The following TSEN2 variants were observed in gnomAD, a reference collection of about 807,000 sequenced individuals.
The protein encoded by TSEN2 is tRNA splicing endonuclease subunit 2, also known as tRNA-splicing endonuclease subunit Sen2.
TSEN2 carries 54 observed loss-of-function variants against 59.2 expected under a neutral mutation model. The observed-to-expected ratio is 0.91, with a 90% confidence interval of 0.73 to 1.14. The LOEUF (loss-of-function observed/expected upper bound fraction) is 1.14. Among genes scored for constraint, TSEN2 ranks in the 50% most tolerant of loss-of-function variants. The pLI is 0.00. For missense variants in TSEN2, 636 were observed against 576.2 expected, an observed-to-expected ratio of 1.10 and a Z score of -1.06; for synonymous variants, 195 against 198.2, an observed-to-expected ratio of 0.98 and a Z score of 0.14.
intron 4 of TSEN2, among the ~76,000 whole-genome samples, chr3:12,497,236 C>T (rs1330912704): frequency 6.6e-6 from 1 of 152,174 alleles, no homozygotes; most frequent in East Asian, 1.9e-4. Flanking sequence ...ACTTTGTGGT[C>T]CCTTGGTGAG....
chr3:12,480,528 G>GTTTTTTTTTTTTTTTT (rs752340308), upstream of TSEN2, among the ~76,000 whole-genome samples: 35 of 91,750 alleles, frequency 3.8e-4, no homozygotes, highest in Non-Finnish European at 4.8e-4. Flanking sequence ...TTGTTTCTTT[G>GTTTTTTTTTTTTTTTT]TTTTTTTTTT....
chr3:12,504,956 ACACCACTG>A (rs1463031667), intron 5 of TSEN2, among the ~76,000 whole-genome samples, 190 bp from the exon 6 acceptor site: 1 of 152,194 alleles, frequency 6.6e-6, no homozygotes, highest in Non-Finnish European at 1.5e-5. Context: ...AGCTATGATC[ACACCACTG>A]CACTCCAGCC....
intron 8 of TSEN2, among the ~76,000 whole-genome samples, chr3:12,523,944 C>T (rs931097093): frequency 3.9e-5 from 6 of 152,040 alleles, no homozygotes; most frequent in African/African-American, 9.7e-5. Flanking sequence ...CATATTAATC[C>T]GTAAGTATTT....
At position 12,533,038 on chromosome 3, in the gene TSEN2, A is replaced by G; in HGVS notation, c.*317A>G. 1 of 441,282 alleles carries G rather than the reference A, an allele frequency of 2.3e-6. No individual in the cohort carries two copies. The highest frequency in any genetic ancestry group is 4.1e-6 in the Non-Finnish European group (1 of 241,518). The allele number at this position is 441,282 out of a possible 1,614,324, so 27.3% of individuals were successfully genotyped here. On this transcript the variant is annotated 3_prime_UTR_variant, in exon 12 of 12. Coordinates refer to ENST00000284995, the MANE Select transcript of TSEN2 (RefSeq NM_025265.4). ...GGAGTCCTGAGAGGACACTTCCAAC[A>G]AGAGACATTTATTCTCTGATTTTAC...
chr3:12,526,165 C>G lies in TSEN2; in HGVS notation c.1100-2723C>G, dbSNP rs146771977. 3.7e-3 allele frequency among the ~76,000 whole-genome samples: 557 copies of G among 151,938 alleles called. 2 individuals are homozygous for G. Among genetic ancestry groups the G allele is most frequent in the Non-Finnish European group, 5.7e-3 (385 of 67,972 alleles). On this transcript the variant is annotated intron_variant, in intron 8 of 11. Transcript: ENST00000284995. ...ACCAGCCTGGGCAACATAGGTAGAC[C>G]ATGTCTCTCTCTCTATATATGTGTA...
At chr3:12,531,205 A>ACAGTT (rs150049107) in intron 10 of TSEN2, 1 of 234,258 alleles carries the variant, frequency 4.3e-6, no homozygotes, top group Non-Finnish European at 8.5e-6. Flanking sequence ...TGTGGGAACT[A>ACAGTT]CAAGATGAGA....
At chr3:12,503,893 C>T (rs2054554552) in intron 5 of TSEN2, 109 bp downstream of exon 5, 2 of 1,416,166 alleles carry the variant, frequency 1.4e-6, no homozygotes, top group African/African-American at 1.4e-5. Context: ...TTGTAGGGTC[C>T]AAGGGAAGCA....
intron 10 of TSEN2, chr3:12,531,194 T>G: frequency 5.1e-6 from 1 of 196,408 alleles, no homozygotes; most frequent in Non-Finnish European, 9.4e-6. Context: ...CACGTGGGGA[T>G]TGTGGGAACT....
chr3:12,537,004 CAA>C (rs11285937), downstream of TSEN2, among the ~76,000 whole-genome samples: 58 of 138,248 alleles, frequency 4.2e-4, no homozygotes, highest in Non-Finnish European at 3.9e-4. Context: ...AACTCCGTCT[CAA>C]AAAAAAAAAA....
chr3:12,506,479 C>T (rs973482314), intron 6 of TSEN2, among the ~76,000 whole-genome samples: 17 of 151,514 alleles, frequency 1.1e-4, no homozygotes, highest in Non-Finnish European at 1.2e-4. Context: ...CCTGTAGTCT[C>T]AACTACTTGG....
At chr3:12,500,349 T>C (rs1038218827) in intron 4 of TSEN2, among the ~76,000 whole-genome samples, 1 of 152,192 alleles carries the variant, frequency 6.6e-6, no homozygotes. Flanking sequence ...TTCTACATGC[T>C]CTTCGAGCCT....
chr3:12,529,894 C>T (rs2057350134), intron 10 of TSEN2, 21 bp downstream of exon 10: 1 of 1,611,452 alleles, frequency 6.2e-7, no homozygotes, highest in Non-Finnish European at 8.5e-7. Flanking sequence ...ATCAGCTTTG[C>T]CATTGGAGTG....
intron 2 of TSEN2, among the ~76,000 whole-genome samples, chr3:12,490,769 G>A (rs73140734): frequency 1.8e-3 from 273 of 152,140 alleles, no homozygotes; most frequent in African/African-American, 6.1e-3. Context: ...TCCCACTCCC[G>A]GCCCAAGGCA....
intron 11 of TSEN2, 70 bp from the exon 12 acceptor site, chr3:12,532,592 G>A (rs2057532650): frequency 2.1e-6 from 3 of 1,452,524 alleles, no homozygotes; most frequent in Non-Finnish European, 1.9e-6. Flanking sequence ...TAGCTGTGGT[G>A]TCAGCTGTGG....
At chr3:12,494,608 G>C (rs150090958) in intron 3 of TSEN2, among the ~76,000 whole-genome samples, 3,633 of 151,620 alleles carry the variant, frequency 0.024, 63 homozygotes, top group South Asian at 0.057. Flanking sequence ...GCCATGTTGA[G>C]CAGGCTGGTC....
chr3:12,484,137 C>A (rs1028798407), upstream of TSEN2, among the ~76,000 whole-genome samples: 2 of 152,250 alleles, frequency 1.3e-5, no homozygotes, highest in Admixed American at 1.3e-4. Context: ...TTAATAAAGT[C>A]CTGTCGGTCG....
chr3:12,532,776 A>C lies in TSEN2; in HGVS notation c.*55A>C, dbSNP rs1173824691. 1.3e-6 allele frequency: 2 copies of C among 1,568,220 alleles called. No individual in the cohort carries two copies. The highest frequency in any genetic ancestry group is 2.7e-5 in the African/African-American group (2 of 74,028). Reference sequence around the variant, plus strand: ...AACAACTATTTATTGAGGGCTAGGTAAAAAGTTCTTTTTGTTGTAATCGTC... The same window carrying C: ...AACAACTATTTATTGAGGGCTAGGTCAAAAGTTCTTTTTGTTGTAATCGTC... On this transcript the variant is annotated 3_prime_UTR_variant, in exon 12 of 12. Coordinates refer to ENST00000284995, the MANE Select transcript of TSEN2 (RefSeq NM_025265.4).
downstream of TSEN2, among the ~76,000 whole-genome samples, chr3:12,535,210 T>C (rs2057646960): frequency 6.6e-6 from 1 of 152,212 alleles, no homozygotes; most frequent in South Asian, 2.1e-4. Flanking sequence ...ACCTCCCATG[T>C]ATGATTTTAC....
chr3:12,503,657 A>T lies in TSEN2; in HGVS notation c.704A>T (p.His235Leu), dbSNP rs769122669. 3 of 1,605,466 alleles carry T rather than the reference A, an allele frequency of 1.9e-6. No homozygotes were observed. In the South Asian group the frequency reaches 3.3e-5, roughly 18 times the overall value. Reference sequence around the variant, plus strand: ...GCTCTCATCCTCCAGCGTGGCCTTCATCATGAAGACGGCAGCCAGCACATC... The same window carrying T: ...GCTCTCATCCTCCAGCGTGGCCTTCTTCATGAAGACGGCAGCCAGCACATC... Reference protein sequence around the residue: ...QDALILQRGLHHEDGSQHIGL... With the variant: ...QDALILQRGLLHEDGSQHIGL... Residue 235 changes from histidine to leucine, a missense_variant, in exon 5 of 12, where the codon CAT (histidine) becomes CTT (leucine). By Grantham distance (99) the His-to-Leu change is moderately conservative. Coordinates refer to ENST00000284995, the MANE Select transcript of TSEN2 (RefSeq NM_025265.4).
Sources: gnomAD v4.1 joint callset for allele counts (sites outside exome capture counted in the v4.1 genomes callset) on GRCh38, gnomAD v4.1.1 for gene constraint, MANE v1.5 for transcripts, NCBI Gene and HGNC (gene_info 2026-07-23, HGNC 2026-07-21) for gene names.